The following CRHR1 variants were observed in gnomAD, a reference collection of about 807,000 sequenced individuals.
CRHR1 encodes corticotropin-releasing hormone receptor 1.
In CRHR1, 28 loss-of-function variants were observed where a neutral mutation model predicts 56.0. That is an observed-to-expected ratio of 0.50 (90% CI 0.37 to 0.69). CRHR1 has a LOEUF of 0.69. Ranked by LOEUF, CRHR1 falls within the 30% of genes least tolerant of loss-of-function variation. The pLI, the probability that CRHR1 is intolerant of heterozygous loss-of-function variation, is 0.00. For missense variants in CRHR1, 376 were observed against 548.0 expected, an observed-to-expected ratio of 0.69 and a Z score of 3.13; for synonymous variants, 195 against 216.5, an observed-to-expected ratio of 0.90 and a Z score of 0.87.
intron 1 of CRHR1, among the ~76,000 whole-genome samples, chr17:45,790,664 C>G (rs947554421): frequency 1.3e-5 from 2 of 152,168 alleles, no homozygotes; most frequent in Non-Finnish European, 2.9e-5. Flanking sequence ...TGCCCCCCTC[C>G]GCATGTCAGC....
chr17:45,784,558 C>G lies in CRHR1; in HGVS notation c.14C>G (p.Pro5Arg), dbSNP rs1252645776. 1 of 1,555,038 alleles carries G rather than the reference C, an allele frequency of 6.4e-7. No homozygotes were observed. Reference protein sequence around the residue: MGGHPQLRLVKALLL... With the variant: MGGHRQLRLVKALLL... ...GCGAGCCCGAGGATGGGAGGGCACC[C>G]GCAGCTCCGTCTCGTCAAGGTAACA... is the stretch of plus-strand genomic sequence containing the variant. Residue 5 changes from proline (P) to arginine (R), a missense_variant, in exon 1 of 13, where the codon CCG (proline) becomes CGG (arginine). Pro to Arg is a moderately radical substitution (Grantham distance 103). Coordinates refer to ENST00000314537, the MANE Select transcript of CRHR1 (RefSeq NM_004382.5). This position sits in a 1 kb window ranked among gnomAD's most constrained non-coding sequence, Gnocchi z 4.2.
intron 8 of CRHR1, among the ~76,000 whole-genome samples, chr17:45,831,798 G>C (rs1214585355): frequency 6.6e-6 from 1 of 152,212 alleles, no homozygotes; most frequent in Non-Finnish European, 1.5e-5. Context: ...GAACCTATCT[G>C]ACTGACGGAC....
At chr17:45,791,099 G>A (rs2061417241) in intron 1 of CRHR1, among the ~76,000 whole-genome samples, 1 of 152,120 alleles carries the variant, frequency 6.6e-6, no homozygotes, top group Admixed American at 6.5e-5. Flanking sequence ...CAGCCTCTTT[G>A]GCAAGGTGTG....
chr17:45,828,630 G>A (rs1017533471), intron 4 of CRHR1, among the ~76,000 whole-genome samples: 3 of 152,224 alleles, frequency 2.0e-5, no homozygotes, highest in Non-Finnish European at 4.4e-5. Flanking sequence ...GGAAGGCCCC[G>A]GAAAGTGAGT....
At chr17:45,818,978 C>T (rs2061983450) in intron 3 of CRHR1, among the ~76,000 whole-genome samples, 2 of 152,188 alleles carry the variant, frequency 1.3e-5, no homozygotes, top group Admixed American at 6.5e-5. Context: ...CGGATCACCT[C>T]CTTTCTCCCC....
chr17:45,810,268 G>C (rs1471441474), intron 2 of CRHR1, among the ~76,000 whole-genome samples: 1 of 152,156 alleles, frequency 6.6e-6, no homozygotes, highest in Admixed American at 6.5e-5. Flanking sequence ...CTGGGCGACA[G>C]AGCGAGACTC....
intron 1 of CRHR1, among the ~76,000 whole-genome samples, chr17:45,803,445 G>A (rs1299189806): frequency 6.6e-6 from 1 of 152,092 alleles, no homozygotes; most frequent in Non-Finnish European, 1.5e-5. Context: ...GGAGTGCAAT[G>A]GCGTGATCTC....
In CRHR1 at chr17:45,784,720, C is replaced by T. The variant is rs772985796; in HGVS notation, c.33+143C>T. 10 of 864,994 alleles carry T rather than the reference C, an allele frequency of 1.2e-5. No individual in the cohort carries two copies. Among genetic ancestry groups the T allele is most frequent in the Non-Finnish European group, 1.6e-5 (10 of 613,870 alleles). The allele number at this position is 864,994 out of a possible 1,614,324, so 53.6% of individuals were successfully genotyped here. A position where few individuals can be genotyped will look rare whatever the true frequency, so the allele number is the denominator to read the frequency against. On this transcript the variant is annotated intron_variant, in intron 1 of 12. Coordinates refer to ENST00000314537, the MANE Select transcript of CRHR1 (RefSeq NM_004382.5). This position sits in a 1 kb window ranked among gnomAD's most constrained non-coding sequence, Gnocchi z 4.2. ...CGGGGAAGGCTGGGCTCCGGGGCAGCCTAACTCTCTGGACCTTTGGAGCCA... is the reference window on the plus strand; with the variant it reads ...CGGGGAAGGCTGGGCTCCGGGGCAGTCTAACTCTCTGGACCTTTGGAGCCA...
intron 5 of CRHR1, among the ~76,000 whole-genome samples, 196 bp from the exon 6 acceptor site, chr17:45,829,898 G>A (rs576412386): frequency 1.3e-4 from 20 of 152,124 alleles, no homozygotes; most frequent in African/African-American, 4.6e-4. Context: ...TTATGTCTGG[G>A]TGGGCTGCAG....
At position 45,785,633 on chromosome 17, in the gene CRHR1, T is replaced by G. The variant is rs542017123; in HGVS notation, c.33+1056T>G. ...TCAGAGCGATTACATTCAAGAGACT[T>G]CGGTGGATTTGGGGGAGGGGTGCGG... On this transcript the variant is annotated intron_variant, in intron 1 of 12. Coordinates refer to ENST00000314537, the MANE Select transcript of CRHR1 (RefSeq NM_004382.5). 9.2e-5 allele frequency among the ~76,000 whole-genome samples: 14 copies of G among 152,320 alleles called. No homozygotes were observed. In the East Asian group the frequency reaches 2.5e-3, roughly 27 times the overall value.
At chr17:45,791,721 A>T (rs1349165696) in intron 1 of CRHR1, among the ~76,000 whole-genome samples, 1 of 151,192 alleles carries the variant, frequency 6.6e-6, no homozygotes, top group East Asian at 2.0e-4. Context: ...GATCCCTTCC[A>T]CCACCCCCAG....
rs377263722 is a variant in CRHR1 at position 45,784,773 on chromosome 17, G to A, written c.33+196G>A. On this transcript the variant is annotated intron_variant, in intron 1 of 12. Coordinates refer to ENST00000314537, the MANE Select transcript of CRHR1 (RefSeq NM_004382.5). This position sits in a 1 kb window ranked among gnomAD's most constrained non-coding sequence, Gnocchi z 4.2. ...GTTGGGTAGGCAGGGGGAGACTCAG[G>A]TGAGAAAAGAAATCGTGGCGAAGCC... Among the ~76,000 whole-genome samples, 4 of 152,186 alleles carry A rather than the reference G, an allele frequency of 2.6e-5. No individual in the cohort carries two copies. Among genetic ancestry groups the A allele is most frequent in the African/African-American group, 9.6e-5 (4 of 41,458 alleles).
chr17:45,802,993 G>A (rs1370332569), intron 1 of CRHR1, among the ~76,000 whole-genome samples: 1 of 152,208 alleles, frequency 6.6e-6, no homozygotes, highest in Non-Finnish European at 1.5e-5. Context: ...CACGGGCACA[G>A]GGTCCAGTGA....
chr17:45,808,418 G>A (rs559927481), intron 2 of CRHR1, among the ~76,000 whole-genome samples: 2 of 152,318 alleles, frequency 1.3e-5, no homozygotes, highest in African/African-American at 2.4e-5. Context: ...GCTCACAGAA[G>A]GTGCCTGGTC....
At chr17:45,832,903 C>A (rs980415761) in intron 8 of CRHR1, among the ~76,000 whole-genome samples, 1 of 152,230 alleles carries the variant, frequency 6.6e-6, no homozygotes, top group African/African-American at 2.4e-5. Context: ...CCTCCTGCCC[C>A]GGTGCTTGCT....
intron 5 of CRHR1, 39 bp downstream of exon 5, chr17:45,829,360 A>C (rs17425752): frequency 0.19 from 291,625 of 1,562,576 alleles, 31,218 homozygotes; most frequent in Non-Finnish European, 0.22. Context: ...TGTCCCCAGG[A>C]CCTAGAGCAG....
At chr17:45,792,766 G>A (rs2061449303) in intron 1 of CRHR1, among the ~76,000 whole-genome samples, 1 of 152,090 alleles carries the variant, frequency 6.6e-6, no homozygotes, top group Non-Finnish European at 1.5e-5. Flanking sequence ...CACAACATGG[G>A]GTCTTACAGC....
intron 2 of CRHR1, among the ~76,000 whole-genome samples, chr17:45,807,470 A>G (rs569151638): frequency 6.6e-6 from 1 of 152,372 alleles, no homozygotes; most frequent in East Asian, 1.9e-4. Flanking sequence ...AGGCTGCCAC[A>G]GTCTGTGGCT....
chr17:45,807,551 T>C (rs1449743672), intron 2 of CRHR1, among the ~76,000 whole-genome samples: 1 of 152,162 alleles, frequency 6.6e-6, no homozygotes, highest in Non-Finnish European at 1.5e-5. Flanking sequence ...TGGAGCTGTA[T>C]TAACCCAATT....
Sources: allele counts gnomAD v4.1 joint callset (sites outside exome capture counted in the v4.1 genomes callset), GRCh38; gene constraint gnomAD v4.1.1; non-coding constraint Gnocchi (gnomAD v3.1); transcripts MANE v1.5; gene names NCBI Gene and HGNC (gene_info 2026-07-23, HGNC 2026-07-21).